Variants in CNTNAP2 observed in about 807,000 individuals in gnomAD.
CNTNAP2 encodes contactin-associated protein-like 2.
In CNTNAP2, 98 loss-of-function variants were observed where a neutral mutation model predicts 155.2. The ratio of observed to expected loss-of-function variants is 0.63; its 90% CI spans 0.54 to 0.75. CNTNAP2 has a LOEUF of 0.75. Among genes scored for constraint, CNTNAP2 ranks in the 30% least tolerant of loss-of-function variants. CNTNAP2 has a pLI of 0.00. For missense variants in CNTNAP2, 1,727 were observed against 1,688.1 expected (o/e 1.02, Z -0.40); for synonymous variants, 651 against 631.2 (o/e 1.03, Z -0.47).
intron 14 of CNTNAP2, among the ~76,000 whole-genome samples, chr7:147,927,632 G>T (rs1673862939): frequency 6.6e-6 from 1 of 152,100 alleles, no homozygotes; most frequent in Non-Finnish European, 1.5e-5. Flanking sequence ...TGAGACATAT[G>T]CAATATCTTC....
chr7:148,210,458 G>A (rs1481381054), intron 18 of CNTNAP2, among the ~76,000 whole-genome samples: 1 of 152,192 alleles, frequency 6.6e-6, no homozygotes, highest in Non-Finnish European at 1.5e-5. Flanking sequence ...CCCTAGTAGA[G>A]TTGTTCAGTG....
chr7:147,090,356 A>G (rs1800376611), intron 4 of CNTNAP2, among the ~76,000 whole-genome samples: 1 of 133,846 alleles, frequency 7.5e-6, no homozygotes, highest in Non-Finnish European at 1.5e-5. Flanking sequence ...TGTGTGTTAC[A>G]ATTCTCTGGT....
At chr7:146,741,763 C>A (rs1038163576) in intron 1 of CNTNAP2, among the ~76,000 whole-genome samples, 3 of 151,970 alleles carry the variant, frequency 2.0e-5, no homozygotes, top group African/African-American at 7.3e-5. Context: ...TTGCATGAGG[C>A]CGCAAGTGCT....
chr7:146,495,013 C>G (rs1797192991), intron 1 of CNTNAP2, among the ~76,000 whole-genome samples: 1 of 152,174 alleles, frequency 6.6e-6, no homozygotes, highest in Non-Finnish European at 1.5e-5. Flanking sequence ...AATTTATCAT[C>G]CATTCTAGCA....
chr7:147,636,624 G>C (rs901936664), intron 12 of CNTNAP2, among the ~76,000 whole-genome samples: 1 of 152,056 alleles, frequency 6.6e-6, no homozygotes, highest in African/African-American at 2.4e-5. Context: ...GCCCTGGTGT[G>C]TGATATTCTC....
chr7:146,561,212 C>A (rs541894317), intron 1 of CNTNAP2, among the ~76,000 whole-genome samples: 82 of 152,138 alleles, frequency 5.4e-4, no homozygotes, highest in African/African-American at 1.9e-3. Flanking sequence ...AGAGGAACTA[C>A]CCCCTCTAGG....
rs184808961 is a variant in CNTNAP2, at chr7:147,114,593, G to A, written c.754+6243G>A. 2.2e-3 allele frequency among the ~76,000 whole-genome samples: 330 copies of A among 152,032 alleles called. 4 individuals are homozygous for A. Among genetic ancestry groups the A allele is most frequent in the African/African-American group, 7.0e-3 (292 of 41,472 alleles). The stretch of plus-strand genomic sequence containing the variant: ...CCTTCTTTGTGTTTTTTGATCTTTG[G>A]TGGGTTAAAGTCTGTTTTGTCAGAA... On this transcript the variant is annotated intron_variant, in intron 5 of 23. Coordinates refer to ENST00000361727, the MANE Select transcript of CNTNAP2 (RefSeq NM_014141.6).
At chr7:147,570,834 C>T (rs1800273796) in intron 12 of CNTNAP2, among the ~76,000 whole-genome samples, 3 of 152,178 alleles carry the variant, frequency 2.0e-5, no homozygotes, top group Admixed American at 2.0e-4. Flanking sequence ...TATGTGCACA[C>T]ACAAGTTCAC....
chr7:147,142,745 A>G (rs1365044642), intron 8 of CNTNAP2, among the ~76,000 whole-genome samples: 2 of 152,174 alleles, frequency 1.3e-5, no homozygotes, highest in African/African-American at 2.4e-5. Flanking sequence ...TAAAACTTAA[A>G]GTATAATTAA....
intron 3 of CNTNAP2, among the ~76,000 whole-genome samples, chr7:146,861,874 A>G (rs1795108824): frequency 6.6e-6 from 1 of 152,212 alleles, no homozygotes; most frequent in South Asian, 2.1e-4. Context: ...ACAGAGATGT[A>G]TACTGATAAT....
intron 1 of CNTNAP2, among the ~76,000 whole-genome samples, chr7:146,374,460 A>C (rs1467873799): frequency 1.3e-5 from 2 of 152,240 alleles, no homozygotes; most frequent in Non-Finnish European, 2.9e-5. Flanking sequence ...GATGACTAGA[A>C]AGATATTCAC....
intron 22 of CNTNAP2, among the ~76,000 whole-genome samples, chr7:148,392,319 G>A (rs1488001648): frequency 1.6e-4 from 23 of 147,578 alleles, no homozygotes; most frequent in African/African-American, 4.4e-4. Flanking sequence ...TGATCCGCCC[G>A]CCTCAGCCTC....
At chr7:147,790,360 C>T (rs966931868) in intron 13 of CNTNAP2, among the ~76,000 whole-genome samples, 25 of 152,198 alleles carry the variant, frequency 1.6e-4, no homozygotes, top group African/African-American at 5.8e-4. Flanking sequence ...TTGCTTACTA[C>T]TGTCTCCTTA....
At chr7:147,202,643 T>A (rs1802945372) in intron 8 of CNTNAP2, among the ~76,000 whole-genome samples, 1 of 152,112 alleles carries the variant, frequency 6.6e-6, no homozygotes, top group Non-Finnish European at 1.5e-5. Flanking sequence ...TCACATCCTT[T>A]GCAGGGACAT....
intron 1 of CNTNAP2, among the ~76,000 whole-genome samples, chr7:146,563,412 C>G (rs1798310598): frequency 6.6e-6 from 1 of 152,094 alleles, no homozygotes; most frequent in Non-Finnish European, 1.5e-5. Flanking sequence ...AGAGACTCAA[C>G]TTATGGTATT....
chr7:146,749,238 T>C (rs1298138422), intron 1 of CNTNAP2, among the ~76,000 whole-genome samples: 1 of 152,174 alleles, frequency 6.6e-6, no homozygotes, highest in Non-Finnish European at 1.5e-5. Flanking sequence ...TATATATTTG[T>C]ATCTATACAT....
intron 1 of CNTNAP2, among the ~76,000 whole-genome samples, chr7:146,257,882 C>A (rs908944919): frequency 2.1e-5 from 3 of 143,654 alleles, no homozygotes; most frequent in African/African-American, 8.9e-5. Context: ...CTTTGATTAT[C>A]CAGCAATTTT....
chr7:146,862,432 TAAAAAA>T (rs144200730), intron 3 of CNTNAP2, among the ~76,000 whole-genome samples: 5,295 of 151,892 alleles, frequency 0.035, 303 homozygotes, highest in African/African-American at 0.12. Context: ...ACTTCCTTGT[TAAAAAA>T]AGAAAAAGAA....
At chr7:147,630,500 G>A (rs1226088112) in intron 12 of CNTNAP2, among the ~76,000 whole-genome samples, 1 of 151,854 alleles carries the variant, frequency 6.6e-6, no homozygotes, top group East Asian at 1.9e-4. Context: ...TAATACCAAA[G>A]CCAGGAAAGG....
Sources: gnomAD v4.1 joint callset for allele counts (sites outside exome capture counted in the v4.1 genomes callset) on GRCh38, gnomAD v4.1.1 for gene constraint, MANE v1.5 for transcripts, NCBI Gene and HGNC (gene_info 2026-07-23, HGNC 2026-07-21) for gene names.